RGSL1: variants seen among roughly 807,000 people sequenced by gnomAD.
The protein encoded by RGSL1 is regulator of G protein signaling protein-like.
RGSL1 carries 97 observed loss-of-function variants against 124.7 expected under a neutral mutation model. The ratio of observed to expected loss-of-function variants is 0.78; its 90% CI spans 0.66 to 0.92. The LOEUF (loss-of-function observed/expected upper bound fraction) is 0.92. RGSL1 is among the 40% of genes least tolerant of loss of function. The pLI is 0.00. For synonymous variants in RGSL1, 424 were observed against 438.1 expected (o/e 0.97, Z 0.40); for missense variants, 1,233 against 1,288.4 (o/e 0.96, Z 0.66).
intron 9 of RGSL1, among the ~76,000 whole-genome samples, chr1:182,509,228 G>A (rs1262906116): frequency 7.4e-4 from 44 of 59,654 alleles, no homozygotes; most frequent in Admixed American, 1.7e-3. Flanking sequence ...GGTGGTGGCC[G>A]GGCAGAGGGG....
At chr1:182,484,358 C>A (rs1042552048) in intron 6 of RGSL1, among the ~76,000 whole-genome samples, 23 of 152,048 alleles carry the variant, frequency 1.5e-4, no homozygotes, top group Admixed American at 8.5e-4. Flanking sequence ...ATGTAAGATG[C>A]CACTCAGCTT....
upstream of RGSL1, chr1:182,448,255 T>A (rs1047518528): frequency 1.3e-5 from 2 of 153,164 alleles, no homozygotes; most frequent in African/African-American, 4.8e-5. Context: ...AGAGTCTCAT[T>A]CTGTTGCCCG....
In RGSL1 at chr1:182,510,481, G is replaced by T. The variant is rs375992959; in HGVS notation, c.1826-11523G>T. ...CACTCGCGGTTAGGGGCTGGAGACC[G>T]GCCCGACCAACACAGCGAAACCCCG... On this transcript the variant is annotated intron_variant, in intron 9 of 21. Coordinates refer to ENST00000294854, the MANE Select transcript of RGSL1 (RefSeq NM_001137669.2). Among the ~76,000 whole-genome samples, 3 of 46,990 alleles carry T rather than the reference G, an allele frequency of 6.4e-5. 1 individual carries two copies. Among genetic ancestry groups the T allele is most frequent in the African/African-American group, 1.9e-4 (2 of 10,302 alleles). The allele number at this position is 46,990 out of a possible 152,430, so 30.8% of individuals were successfully genotyped here.
At chr1:182,472,070 T>C (rs1401078427) in intron 4 of RGSL1, among the ~76,000 whole-genome samples, 1 of 152,170 alleles carries the variant, frequency 6.6e-6, no homozygotes, top group Admixed American at 6.5e-5. Flanking sequence ...GTGGTTTTTT[T>C]CCCCAATCTT....
intron 1 of RGSL1, among the ~76,000 whole-genome samples, chr1:182,451,335 T>C (rs1651807357): frequency 8.6e-6 from 1 of 115,940 alleles, no homozygotes; most frequent in Admixed American, 8.5e-5. Context: ...CAGTCAGACT[T>C]GTTAATTGTA....
At chr1:182,520,350 T>G (rs687270) in intron 9 of RGSL1, among the ~76,000 whole-genome samples, 2 of 152,044 alleles carry the variant, frequency 1.3e-5, no homozygotes, top group African/African-American at 4.8e-5. Context: ...CCCCCTTCTG[T>G]CCTGAGAATC....
rs10572829 is a variant in RGSL1 at position 182,460,160 on chromosome 1, CTGTGTGTG to C, written c.301+45_301+52del. 18 of 1,430,060 alleles carry C rather than the reference CTGTGTGTG, an allele frequency of 1.3e-5. No homozygotes were observed. In the African/African-American group the frequency reaches 1.3e-4, roughly 11 times the overall value. 88.6% of individuals were successfully genotyped at this position (1,430,060 alleles called of 1,614,324 possible). A position where few individuals can be genotyped will look rare whatever the true frequency, so the allele number is the denominator to read the frequency against. On this transcript the variant is annotated intron_variant, in intron 4 of 21. Coordinates refer to ENST00000294854, the MANE Select transcript of RGSL1 (RefSeq NM_001137669.2). ...TAAGCATTGGTGTGCATGCGTGTGT[CTGTGTGTG>C]TGTGTGTGTGTGTGTGTAGAAATAT...
intron 8 of RGSL1, among the ~76,000 whole-genome samples, chr1:182,491,514 C>A (rs776972896): frequency 6.6e-6 from 1 of 152,146 alleles, no homozygotes; most frequent in African/African-American, 2.4e-5. Context: ...CACACCCGAC[C>A]ACTATCATCT....
In RGSL1 at chr1:182,529,028, C is replaced by T. The variant is rs116309613; in HGVS notation, c.2126-1216C>T. Among the ~76,000 whole-genome samples, 972 of 152,178 alleles carry T rather than the reference C, an allele frequency of 6.4e-3. 4 individuals are homozygous for T. The highest frequency in any genetic ancestry group is 0.022 in the African/African-American group (920 of 41,508). Reference sequence around the variant, plus strand: ...AGAACAGCATGGGGTAAACCACTCCCGTGATTCAATTATCTCCACCTGGTC... The same window carrying T: ...AGAACAGCATGGGGTAAACCACTCCTGTGATTCAATTATCTCCACCTGGTC... On this transcript the variant is annotated intron_variant, in intron 11 of 21. Transcript: ENST00000294854.
chr1:182,546,067 G>A (rs1660193067), intron 15 of RGSL1, among the ~76,000 whole-genome samples: 1 of 152,040 alleles, frequency 6.6e-6, no homozygotes, highest in African/African-American at 2.4e-5. Flanking sequence ...CTCTTTTGAA[G>A]TAATTTTCTA....
At chr1:182,452,975 T>C (rs1651972179) in intron 1 of RGSL1, among the ~76,000 whole-genome samples, 1 of 152,170 alleles carries the variant, frequency 6.6e-6, no homozygotes, top group African/African-American at 2.4e-5. Context: ...TGAGTGATGG[T>C]GGGCCATTGA....
At position 182,460,240 on chromosome 1, in the gene RGSL1, G is replaced by A. The variant is rs12045746; in HGVS notation, c.301+107G>A. 102,927 of 1,364,970 alleles carry A rather than the reference G, an allele frequency of 0.075. 4,630 individuals are homozygous for A. The highest frequency in any genetic ancestry group is 0.14 in the South Asian group (8,963 of 66,206). 84.6% of individuals were successfully genotyped at this position (1,364,970 alleles called of 1,614,324 possible). A position where few individuals can be genotyped will look rare whatever the true frequency, so the allele number is the denominator to read the frequency against. ...ATCTTATGCCTGTATGTGTGTGTGT[G>A]TGTGTGTAGAAATATAGGAAGTCAC... On this transcript the variant is annotated intron_variant, in intron 4 of 21. Coordinates refer to ENST00000294854, the MANE Select transcript of RGSL1 (RefSeq NM_001137669.2).
Position 182,548,339 on chromosome 1 carries a change from G to T in RGSL1, c.2692G>T (p.Ala898Ser). The change falls in exon 16 of 22, where the codon GCC (alanine) becomes TCC (serine). Residue 898 changes from alanine (A) to serine (S), a missense_variant. Transcript: ENST00000294854. ...MEKFNDLVSS[A>S]HMLQVNRAYN... is the part of the protein sequence containing the mutation. ...TAGATTTAATGATCTGGTCAGTTCAGCCCACATGCTGCAGGTCAACCGGGC... is the reference window on the plus strand; with the variant it reads ...TAGATTTAATGATCTGGTCAGTTCATCCCACATGCTGCAGGTCAACCGGGC... 1 of 1,552,012 alleles carries T rather than the reference G, an allele frequency of 6.4e-7. No individual in the cohort carries two copies.
chr1:182,510,958 G>T (rs982425121), intron 9 of RGSL1, among the ~76,000 whole-genome samples: 1 of 151,858 alleles, frequency 6.6e-6, no homozygotes, highest in African/African-American at 2.4e-5. Context: ...TTTTTATTTT[G>T]GTTGCTGGTG....
chr1:182,542,577 AT>A (rs34099783), intron 15 of RGSL1, among the ~76,000 whole-genome samples: 78,541 of 151,320 alleles, frequency 0.52, 20,599 homozygotes, highest in Non-Finnish European at 0.55. Flanking sequence ...AAATTTTAGG[AT>A]TTTTTTTTCT....
intron 11 of RGSL1, among the ~76,000 whole-genome samples, chr1:182,529,581 G>T (rs958125793): frequency 6.6e-6 from 1 of 152,172 alleles, no homozygotes; most frequent in Non-Finnish European, 1.5e-5. Context: ...CTCCTGTTTT[G>T]TCACAGATGG....
At chr1:182,553,863 G>A (rs1268476457) in intron 19 of RGSL1, among the ~76,000 whole-genome samples, 1 of 152,098 alleles carries the variant, frequency 6.6e-6, no homozygotes, top group African/African-American at 2.4e-5. Flanking sequence ...GACGTATGAT[G>A]TTTATTAAGA....
intron 4 of RGSL1, chr1:182,460,706 G>A (rs1652754839): frequency 2.2e-6 from 1 of 455,918 alleles, no homozygotes; most frequent in Non-Finnish European, 4.4e-6. Context: ...GAAGCACTAG[G>A]AATCTGTTTC....
At chr1:182,457,422 G>C (rs1043942825) in intron 2 of RGSL1, among the ~76,000 whole-genome samples, 2 of 152,184 alleles carry the variant, frequency 1.3e-5, no homozygotes, top group Non-Finnish European at 2.9e-5. Flanking sequence ...GTGCAGAGCA[G>C]AGAGAGATCC....
Sources: gnomAD v4.1 joint callset for allele counts (sites outside exome capture counted in the v4.1 genomes callset) on GRCh38, gnomAD v4.1.1 for gene constraint, MANE v1.5 for transcripts, NCBI Gene and HGNC (gene_info 2026-07-23, HGNC 2026-07-21) for gene names.